MNAT1: variants seen among roughly 807,000 people sequenced by gnomAD.
MNAT1 encodes CDK-activating kinase assembly factor MAT1.
A neutral mutation model predicts 42.0 loss-of-function variants in MNAT1; 43 were observed. That is an observed-to-expected ratio of 1.02 (90% CI 0.80 to 1.32). The LOEUF is 1.32. Among genes scored for constraint, MNAT1 ranks in the 40% most tolerant of loss-of-function variants. The probability of loss-of-function intolerance (pLI) is 0.00; values close to 1 mark genes in which losing one functional copy is unlikely to be tolerated. For missense variants in MNAT1, 306 were observed against 350.4 expected (o/e 0.87, Z 1.01); for synonymous variants, 118 against 120.0 (o/e 0.98, Z 0.11).
At chr14:60,914,512 G>A (rs577068712) in intron 7 of MNAT1, among the ~76,000 whole-genome samples, 1 of 151,248 alleles carries the variant, frequency 6.6e-6, no homozygotes, top group African/African-American at 2.4e-5. Context: ...TAATTTCATG[G>A]TTATTACAGA....
At chr14:60,841,022 C>G (rs2033535265) in intron 6 of MNAT1, among the ~76,000 whole-genome samples, 1 of 152,090 alleles carries the variant, frequency 6.6e-6, no homozygotes, top group Admixed American at 6.5e-5. Context: ...GTTTTGTGAA[C>G]TTGAAGATAA....
intron 7 of MNAT1, among the ~76,000 whole-genome samples, chr14:60,967,590 A>G (rs1322134973): frequency 6.6e-6 from 1 of 152,166 alleles, no homozygotes; most frequent in Non-Finnish European, 1.5e-5. Flanking sequence ...AAAAAATTGT[A>G]CTGTTATATT....
chr14:60,894,317 G>C (rs1033403555), intron 7 of MNAT1, among the ~76,000 whole-genome samples: 1 of 151,304 alleles, frequency 6.6e-6, no homozygotes, highest in Non-Finnish European at 1.5e-5. Flanking sequence ...CTTGCATTTA[G>C]TGCTTCATTA....
At chr14:60,860,453 C>T (rs1175409850) in intron 6 of MNAT1, among the ~76,000 whole-genome samples, 1 of 149,122 alleles carries the variant, frequency 6.7e-6, no homozygotes, top group Non-Finnish European at 1.5e-5. Flanking sequence ...CCCAGGTTCA[C>T]GCCATTCTCT....
chr14:60,940,972 A>G (rs115701021), intron 7 of MNAT1, among the ~76,000 whole-genome samples: 102 of 152,314 alleles, frequency 6.7e-4, no homozygotes, highest in African/African-American at 2.3e-3. Context: ...GATAATGTTA[A>G]CTGTATGACG....
intron 7 of MNAT1, among the ~76,000 whole-genome samples, chr14:60,912,355 C>T (rs1157814962): frequency 6.6e-6 from 1 of 152,028 alleles, no homozygotes; most frequent in Non-Finnish European, 1.5e-5. Flanking sequence ...TGAATTTGAT[C>T]CTGTCATTAT....
chr14:60,804,908 G>A (rs1018335189), intron 3 of MNAT1, among the ~76,000 whole-genome samples: 2 of 152,122 alleles, frequency 1.3e-5, no homozygotes, highest in African/African-American at 4.8e-5. Context: ...AAAATCAGTA[G>A]TAAACTGTCT....
intron 1 of MNAT1, among the ~76,000 whole-genome samples, chr14:60,777,445 A>C (rs538915558): frequency 2.6e-5 from 4 of 151,282 alleles, no homozygotes; most frequent in African/African-American, 4.8e-5. Flanking sequence ...CTCCCCCCCC[A>C]AAATTTTTGT....
chr14:60,810,819 C>T (rs558660113), intron 4 of MNAT1, among the ~76,000 whole-genome samples: 81 of 152,168 alleles, frequency 5.3e-4, no homozygotes, highest in African/African-American at 1.8e-3. Context: ...TCGTGTATTC[C>T]GCTGCTGTTG....
rs2036750377 is a variant in MNAT1 at position 60,969,916 on chromosome 14, C to G, written c.*1567C>G. On this transcript the variant is annotated 3_prime_UTR_variant, in exon 8 of 8. Coordinates refer to ENST00000261245, the MANE Select transcript of MNAT1 (RefSeq NM_002431.4). ...TGAGCCTGCCTTATTGTGGAAATTGCATGCACCTGGTTTGGCAAATAAATT... is the reference window on the plus strand; with the variant it reads ...TGAGCCTGCCTTATTGTGGAAATTGGATGCACCTGGTTTGGCAAATAAATT... The G allele has an allele frequency of 6.6e-6, 1 of 152,192 alleles. No individual in the cohort carries two copies. Among genetic ancestry groups the G allele is most frequent in the Non-Finnish European group, 1.5e-5 (1 of 68,026 alleles). 9.4% of individuals were successfully genotyped at this position (152,192 alleles called of 1,614,324 possible).
chr14:60,739,101 TG>T (rs1173055454), intron 1 of MNAT1, among the ~76,000 whole-genome samples: 2 of 152,094 alleles, frequency 1.3e-5, no homozygotes, highest in Non-Finnish European at 2.9e-5. Context: ...TTCCTCCCCA[TG>T]GACTCTTCCA....
intron 7 of MNAT1, among the ~76,000 whole-genome samples, chr14:60,887,242 T>C (rs2034698143): frequency 6.6e-6 from 1 of 152,108 alleles, no homozygotes; most frequent in South Asian, 2.1e-4. Context: ...TGTTTTTATT[T>C]TATTTTATTA....
intron 6 of MNAT1, among the ~76,000 whole-genome samples, chr14:60,842,835 C>T (rs1310534535): frequency 6.6e-6 from 1 of 152,124 alleles, no homozygotes. Flanking sequence ...TTAGTATAGG[C>T]TTCCTTAATA....
At chr14:60,881,441 C>A (rs759698875) in intron 7 of MNAT1, among the ~76,000 whole-genome samples, 20 of 151,992 alleles carry the variant, frequency 1.3e-4, no homozygotes, top group Non-Finnish European at 2.5e-4. Context: ...CACCTTGGCC[C>A]CCCAAAAGTG....
chr14:60,868,393 A>G (rs1355190548), intron 6 of MNAT1, among the ~76,000 whole-genome samples: 1 of 152,186 alleles, frequency 6.6e-6, no homozygotes, highest in African/African-American at 2.4e-5. Flanking sequence ...CTAGAATTAC[A>G]GTAGTTTAAA....
chr14:60,918,984 TG>T (rs1309770717), intron 7 of MNAT1, among the ~76,000 whole-genome samples: 3 of 151,756 alleles, frequency 2.0e-5, no homozygotes, highest in African/African-American at 7.3e-5. Context: ...ACTAACCAAG[TG>T]AAGGGGCAAG....
At chr14:60,772,362 A>G (rs2031090681) in intron 1 of MNAT1, among the ~76,000 whole-genome samples, 2 of 152,176 alleles carry the variant, frequency 1.3e-5, no homozygotes, top group African/African-American at 4.8e-5. Context: ...AGGCAGGTGG[A>G]TCACCTGAGG....
At chr14:60,930,295 C>G (rs1468967905) in intron 7 of MNAT1, among the ~76,000 whole-genome samples, 2 of 150,302 alleles carry the variant, frequency 1.3e-5, no homozygotes, top group Non-Finnish European at 3.0e-5. Flanking sequence ...CTGGGAACAT[C>G]TCTTGTTCAT....
At chr14:60,757,827 T>C (rs1300817662) in intron 1 of MNAT1, among the ~76,000 whole-genome samples, 2 of 152,232 alleles carry the variant, frequency 1.3e-5, no homozygotes, top group African/African-American at 4.8e-5. Flanking sequence ...ATGCTTTACT[T>C]ATTTTGTAAT....
Sources: allele counts gnomAD v4.1 joint callset (sites outside exome capture counted in the v4.1 genomes callset), GRCh38; gene constraint gnomAD v4.1.1; transcripts MANE v1.5; gene names NCBI Gene and HGNC (gene_info 2026-07-23, HGNC 2026-07-21).